Variants in SEMA5B observed in about 807,000 individuals in gnomAD.
SEMA5B encodes semaphorin-5B.
SEMA5B carries 66 observed loss-of-function variants against 135.0 expected under a neutral mutation model. The observed-to-expected ratio is 0.49, with a 90% CI of 0.40 to 0.60. The LOEUF is 0.60. Ranked by LOEUF, SEMA5B falls within the 20% of genes least tolerant of loss-of-function variation. The probability of loss-of-function intolerance (pLI) is 0.00; values close to 1 mark genes in which losing one functional copy is unlikely to be tolerated. For missense variants in SEMA5B, 1,501 were observed against 1,566.3 expected (o/e 0.96, Z 0.70); for synonymous variants, 690 against 639.5 (o/e 1.08, Z -1.19).
chr3:123,016,883 C>G (rs116102550), intron 1 of SEMA5B, among the ~76,000 whole-genome samples: 6,204 of 146,796 alleles, frequency 0.042, 158 homozygotes, highest in Middle Eastern at 0.076. Flanking sequence ...TGCCTGGCCT[C>G]AGGTGCATTT....
At chr3:122,912,120 G>T (rs780345099) in intron 19 of SEMA5B, 51 bp from the exon 20 acceptor site, 1 of 1,586,978 alleles carries the variant, frequency 6.3e-7, no homozygotes, top group East Asian at 2.3e-5. Context: ...CCCCTGGTGG[G>T]GATCAGAGGG....
intron 1 of SEMA5B, among the ~76,000 whole-genome samples, chr3:123,007,880 A>G (rs1401275927): frequency 2.0e-5 from 3 of 152,260 alleles, no homozygotes; most frequent in Non-Finnish European, 4.4e-5. Flanking sequence ...TATAAATCCA[A>G]TTCCAGTATA....
rs765664100 is a variant in SEMA5B, at chr3:122,912,859, G to A, written c.2709C>T (p.Asn903=). 2 of 1,589,748 alleles carry A rather than the reference G, an allele frequency of 1.3e-6. No individual in the cohort carries two copies. The highest frequency in any genetic ancestry group is 4.6e-5 in the East Asian group (2 of 43,502). ...CAGGGTTACCTGGGCAAGCCTGGGG[G>A]TTGCAGTCCTGGTACTCGGCAGCAT... is the stretch of plus-strand genomic sequence containing the variant. ...VGDAAEYQDC[N]PQACPVRGAW... is the part of the protein sequence containing the mutation. The change falls in exon 18 of 23, where the codon AAC becomes AAT. Residue 903 remains asparagine (N), a synonymous_variant. Transcript: ENST00000357599.
intron 1 of SEMA5B, among the ~76,000 whole-genome samples, chr3:123,024,236 C>G (rs1942751439): frequency 1.3e-5 from 2 of 152,204 alleles, no homozygotes; most frequent in Admixed American, 1.3e-4. Context: ...GACCCAATAG[C>G]ATCATCTTCC....
At position 123,008,790 on chromosome 3, in the gene SEMA5B, G is replaced by T. The variant is rs547499587; in HGVS notation, c.-39+18674C>A. ...TTGAAGACAGGGGGAGAGAGGCATG[G>T]CTATCCAAGCAGCAGGTAGGTGTCA... On this transcript the variant is annotated intron_variant, in intron 1 of 22. Coordinates refer to ENST00000357599, the MANE Select transcript of SEMA5B (RefSeq NM_001031702.4). 4.6e-5 allele frequency among the ~76,000 whole-genome samples: 7 copies of T among 152,270 alleles called. No individual in the cohort carries two copies. The South Asian group carries it at 1.0e-3, about 23-fold the overall frequency.
At position 122,926,579 on chromosome 3, in the gene SEMA5B, G is replaced by A. The variant is rs1051536939; in HGVS notation, c.949C>T (p.Arg317Cys). 36 of 1,614,032 alleles carry A rather than the reference G, an allele frequency of 2.2e-5. No individual in the cohort carries two copies. In the Admixed American group the frequency reaches 4.3e-4, roughly 19 times the overall value. The change falls in exon 9 of 23, where the codon CGC (arginine) becomes TGC (cysteine). Residue 317 changes from arginine to cysteine, a missense_variant. By Grantham distance (180) the Arg-to-Cys change is radical. This residue lies in a region of SEMA5B where 574 missense variants were observed against 684.7 expected (regional missense o/e 0.84). Coordinates refer to ENST00000357599, the MANE Select transcript of SEMA5B (RefSeq NM_001031702.4). Reference protein sequence around the residue: ...EHDCGRTVYSRVARVCKNDVG... With the variant: ...EHDCGRTVYSCVARVCKNDVG... ...TCATTCTTGCACACGCGGGCCACGCGAGAGTACACGGTGCGTCCACAGTCG... is the reference window on the plus strand; with the variant it reads ...TCATTCTTGCACACGCGGGCCACGCAAGAGTACACGGTGCGTCCACAGTCG...
At chr3:122,937,165 G>C (rs887905781) in intron 5 of SEMA5B, among the ~76,000 whole-genome samples, 7 of 152,228 alleles carry the variant, frequency 4.6e-5, no homozygotes, top group African/African-American at 1.7e-4. Context: ...CCCTGGCCCA[G>C]CCGCCCTTGT....
At chr3:122,966,536 TTTATTATTA>T (rs140866804) in intron 1 of SEMA5B, among the ~76,000 whole-genome samples, 19 of 141,536 alleles carry the variant, frequency 1.3e-4, no homozygotes, top group East Asian at 4.0e-4. Flanking sequence ...TGTAAGAATG[TTTATTATTA>T]TTATTATTAT....
In SEMA5B at chr3:122,980,973, G is replaced by A. The variant is rs148685375; in HGVS notation, c.-38-19672C>T. On this transcript the variant is annotated intron_variant, in intron 1 of 22. Transcript: ENST00000357599. ...CATAATGTCTTCAGGGTTTATCCACGTTGTAGCATGTATCCTTAAATTATT... is the reference window on the plus strand; with the variant it reads ...CATAATGTCTTCAGGGTTTATCCACATTGTAGCATGTATCCTTAAATTATT... 9.3e-3 allele frequency among the ~76,000 whole-genome samples: 1,413 copies of A among 152,324 alleles called. 10 individuals are homozygous for A. Among genetic ancestry groups the A allele is most frequent in the Non-Finnish European group, 0.016 (1,091 of 68,026 alleles).
At chr3:122,950,225 T>C (rs1367462169) in intron 2 of SEMA5B, among the ~76,000 whole-genome samples, 1 of 152,234 alleles carries the variant, frequency 6.6e-6, no homozygotes, top group Non-Finnish European at 1.5e-5. Context: ...TAGACTGAGA[T>C]ACCACTTCTC....
intron 5 of SEMA5B, among the ~76,000 whole-genome samples, chr3:122,938,421 C>A (rs2107508885): frequency 6.6e-6 from 1 of 152,304 alleles, no homozygotes; most frequent in South Asian, 2.1e-4. Context: ...CCTTATACCT[C>A]CCCTCTAGCA....
chr3:122,927,959 G>C lies in SEMA5B; in HGVS notation c.681C>G (p.Ala227=), dbSNP rs778995801. 1.3e-6 allele frequency: 2 copies of C among 1,561,668 alleles called. No individual in the cohort carries two copies. The highest frequency in any genetic ancestry group is 1.7e-6 in the Non-Finnish European group (2 of 1,152,480). Reference sequence around the variant, plus strand: ...TGTGGCGTGGGTCATAGGGGCAGCGGGCCACACCATTGATCTTCTCAATAG... The same window carrying C: ...TGTGGCGTGGGTCATAGGGGCAGCGCGCCACACCATTGATCTTCTCAATAG... ...SRTIEKINGV[A]RCPYDPRHNS... is the part of the protein sequence containing the mutation. The change falls in exon 8 of 23, where the codon GCC becomes GCG. Residue 227 remains alanine, a synonymous_variant. Coordinates refer to ENST00000357599, the MANE Select transcript of SEMA5B (RefSeq NM_001031702.4).
chr3:122,966,535 GTTTA>G (rs869151441), intron 1 of SEMA5B, among the ~76,000 whole-genome samples: 1 of 105,216 alleles, frequency 9.5e-6, no homozygotes, highest in Non-Finnish European at 1.9e-5. Context: ...TTGTAAGAAT[GTTTA>G]TTATTATTAT....
At chr3:123,022,037 C>T (rs1283604749) in intron 1 of SEMA5B, among the ~76,000 whole-genome samples, 2 of 152,200 alleles carry the variant, frequency 1.3e-5, no homozygotes, top group Admixed American at 1.3e-4. Flanking sequence ...CAACGAGCCA[C>T]TCCTGGAAAA....
Position 122,913,363 on chromosome 3 carries a change from G to A in SEMA5B, c.2342C>T (p.Pro781Leu), listed in dbSNP as rs562340579. Residue 781 changes from proline to leucine, a missense_variant, in exon 17 of 23, where the codon CCG (proline) becomes CTG (leucine). By Grantham distance (98) the Pro-to-Leu change is moderately conservative. Transcript: ENST00000357599. ...PEVRRNTPWT[P>L]WLPVNVTQGG... ...CTGCGTCACGTTCACGGGCAGCCACGGCGTCCAGGGGGTGTTGCGCCGCAC... is the reference window on the plus strand; with the variant it reads ...CTGCGTCACGTTCACGGGCAGCCACAGCGTCCAGGGGGTGTTGCGCCGCAC... 35 of 1,583,474 alleles carry A rather than the reference G, an allele frequency of 2.2e-5. 1 individual carries two copies. The South Asian group carries it at 3.7e-4, about 17-fold the overall frequency.
intron 1 of SEMA5B, among the ~76,000 whole-genome samples, chr3:122,970,903 G>A (rs1422650860): frequency 6.6e-6 from 1 of 152,256 alleles, no homozygotes; most frequent in Non-Finnish European, 1.5e-5. Context: ...TCTGGGGGTT[G>A]AGCAGAATAG....
intron 1 of SEMA5B, among the ~76,000 whole-genome samples, chr3:123,007,685 C>T (rs1216813071): frequency 1.3e-5 from 2 of 152,162 alleles, no homozygotes; most frequent in East Asian, 3.8e-4. Context: ...TGGTACCCTG[C>T]ACCACCTTGG....
rs1420724746 is a variant in SEMA5B, at chr3:123,027,700, G to A, written c.-275C>T. 1 of 152,226 alleles carries A rather than the reference G, an allele frequency of 6.6e-6. No homozygotes were observed. The highest frequency in any genetic ancestry group is 2.4e-5 in the African/African-American group (1 of 41,440). The allele number at this position is 152,226 out of a possible 1,614,324, so 9.4% of individuals were successfully genotyped here. ...CGACCCGCCCGGCTCGGCGGAGCTG[G>A]GCTCTGGCACCAACCCCCGCGCTCC... is the stretch of plus-strand genomic sequence containing the variant. On this transcript the variant is annotated 5_prime_UTR_variant, in exon 1 of 23. Coordinates refer to ENST00000357599, the MANE Select transcript of SEMA5B (RefSeq NM_001031702.4).
At chr3:122,934,068 C>T (rs543545238) in intron 5 of SEMA5B, among the ~76,000 whole-genome samples, 8 of 148,448 alleles carry the variant, frequency 5.4e-5, no homozygotes, top group South Asian at 4.3e-4. Context: ...CCACCACACC[C>T]GGCTAATTTT....
Sources: allele counts gnomAD v4.1 joint callset (sites outside exome capture counted in the v4.1 genomes callset), GRCh38; gene constraint gnomAD v4.1.1; regional missense constraint gnomAD v4.1.1; transcripts MANE v1.5; gene names NCBI Gene and HGNC (gene_info 2026-07-23, HGNC 2026-07-21).